The following PPARGC1A variants were observed in gnomAD, a reference collection of about 807,000 sequenced individuals.
PPARGC1A encodes the protein peroxisome proliferator-activated receptor gamma coactivator 1-alpha.
In PPARGC1A, 25 loss-of-function variants were observed where a neutral mutation model predicts 88.7. The ratio of observed to expected loss-of-function variants is 0.28; its 90% CI spans 0.21 to 0.39. The LOEUF is 0.39. PPARGC1A is among the 10% of genes least tolerant of loss of function. The probability of loss-of-function intolerance (pLI) is 1.00; values close to 1 mark genes in which losing one functional copy is unlikely to be tolerated. For missense variants in PPARGC1A, 880 were observed against 968.7 expected (o/e 0.91, Z 1.22); for synonymous variants, 363 against 355.6 (o/e 1.02, Z -0.24).
the PPARGC1A span, among the ~76,000 whole-genome samples, chr4:24,193,189 T>A: frequency 6.6e-6 from 1 of 152,248 alleles, no homozygotes; most frequent in African/African-American, 2.4e-5. Flanking sequence ...CATGCATTTA[T>A]CTGCTTTTGA....
chr4:24,391,752 G>C, the PPARGC1A span, among the ~76,000 whole-genome samples: 6,623 of 152,176 alleles, frequency 0.044, 515 homozygotes, highest in African/African-American at 0.15. Flanking sequence ...CAGCCCTCCA[G>C]AGCAGTAAAT....
the PPARGC1A span, among the ~76,000 whole-genome samples, chr4:24,108,047 G>A: frequency 6.6e-6 from 1 of 152,232 alleles, no homozygotes; most frequent in Non-Finnish European, 1.5e-5. Context: ...GGAGAAGGCA[G>A]TTGTGATTGA....
the PPARGC1A span, among the ~76,000 whole-genome samples, chr4:24,294,754 C>T: frequency 2.0e-5 from 3 of 152,130 alleles, no homozygotes; most frequent in Admixed American, 1.3e-4. Flanking sequence ...GCAAACGTTT[C>T]CTTTTATGTT....
At chr4:24,349,214 A>G in the PPARGC1A span, among the ~76,000 whole-genome samples, 6 of 152,210 alleles carry the variant, frequency 3.9e-5, 1 homozygote, top group African/African-American at 1.2e-4. Flanking sequence ...AGAGGGTGCA[A>G]TGGACTCCAT....
the PPARGC1A span, among the ~76,000 whole-genome samples, chr4:23,967,453 G>T: frequency 6.6e-6 from 1 of 152,148 alleles, no homozygotes; most frequent in Non-Finnish European, 1.5e-5. Context: ...TAAAGCAGAC[G>T]CATGCAGACA....
chr4:23,884,676 T>A, intron 2 of PPARGC1A, 76 bp downstream of exon 2: 1 of 1,307,108 alleles, frequency 7.7e-7, no homozygotes, highest in Non-Finnish European at 1.0e-6. Flanking sequence ...TCATTATGCA[T>A]TCAGGTCTAT....
chr4:23,796,042 A>C, intron 12 of PPARGC1A, 117 bp from the exon 13 acceptor site: 1 of 755,488 alleles, frequency 1.3e-6, no homozygotes, highest in South Asian at 1.5e-5. Context: ...ATACTTTAGA[A>C]AACAATAGTC....
At chr4:24,436,741 G>A in the PPARGC1A span, among the ~76,000 whole-genome samples, 42 of 70,928 alleles carry the variant, frequency 5.9e-4, no homozygotes, top group South Asian at 9.8e-4. Context: ...CCCAGAGCCC[G>A]GGTCACAGAG....
chr4:24,135,233 T>A, the PPARGC1A span, among the ~76,000 whole-genome samples: 1 of 152,148 alleles, frequency 6.6e-6, no homozygotes, highest in African/African-American at 2.4e-5. Context: ...TGCAGAGGTG[T>A]CTCTGTGAGG....
At chr4:24,115,614 G>C in the PPARGC1A span, among the ~76,000 whole-genome samples, 1 of 152,126 alleles carries the variant, frequency 6.6e-6, no homozygotes, top group Non-Finnish European at 1.5e-5. Flanking sequence ...AGATGGCAGC[G>C]TACCTAGGAA....
the PPARGC1A span, among the ~76,000 whole-genome samples, chr4:24,409,351 A>C: frequency 6.6e-6 from 1 of 152,218 alleles, no homozygotes; most frequent in African/African-American, 2.4e-5. Flanking sequence ...AGTAAAATTC[A>C]AATCCCAGCT....
At chr4:24,240,083 G>A in the PPARGC1A span, among the ~76,000 whole-genome samples, 3 of 152,176 alleles carry the variant, frequency 2.0e-5, no homozygotes, top group Admixed American at 1.3e-4. Flanking sequence ...AATGGAAAGT[G>A]TAGTACAAAT....
chr4:24,204,703 C>T, the PPARGC1A span, among the ~76,000 whole-genome samples: 1 of 152,064 alleles, frequency 6.6e-6, no homozygotes, highest in South Asian at 2.1e-4. Flanking sequence ...TCCACAACTC[C>T]CTTGCACTTA....
the PPARGC1A span, among the ~76,000 whole-genome samples, chr4:24,105,322 G>A: frequency 1.3e-5 from 2 of 152,106 alleles, no homozygotes; most frequent in Non-Finnish European, 2.9e-5. Context: ...CCTTCTAATG[G>A]GACTTTATTT....
the PPARGC1A span, among the ~76,000 whole-genome samples, chr4:24,275,579 G>A: frequency 1.3e-3 from 197 of 152,306 alleles, no homozygotes; most frequent in Non-Finnish European, 2.4e-3. Flanking sequence ...CTCACATGAG[G>A]AAGAGGCAGG....
chr4:23,998,856 A>T, the PPARGC1A span, among the ~76,000 whole-genome samples: 1 of 152,192 alleles, frequency 6.6e-6, no homozygotes, highest in African/African-American at 2.4e-5. Context: ...CTATATTTGA[A>T]CGTTTTGATC....
the PPARGC1A span, among the ~76,000 whole-genome samples, chr4:24,230,641 G>T: frequency 2.0e-5 from 3 of 152,128 alleles, no homozygotes; most frequent in African/African-American, 7.2e-5. Flanking sequence ...GAGAACAGGA[G>T]TCTGAGTTCC....
At chr4:24,254,024 A>G in the PPARGC1A span, among the ~76,000 whole-genome samples, 1 of 152,184 alleles carries the variant, frequency 6.6e-6, no homozygotes, top group Non-Finnish European at 1.5e-5. Flanking sequence ...TTTTATCATC[A>G]TCGTCATCAT....
At chr4:24,068,037 A>G in the PPARGC1A span, among the ~76,000 whole-genome samples, 1 of 152,150 alleles carries the variant, frequency 6.6e-6, no homozygotes, top group Non-Finnish European at 1.5e-5. Context: ...TGGTCTGCAC[A>G]TTCACTTGTC....
Sources: allele counts gnomAD v4.1 joint callset (sites outside exome capture counted in the v4.1 genomes callset), GRCh38; gene constraint gnomAD v4.1.1; transcripts MANE v1.5; gene names NCBI Gene and HGNC (gene_info 2026-07-23, HGNC 2026-07-21).